Variants in SYNGR4 observed in about 807,000 individuals in gnomAD.
The protein encoded by SYNGR4 is synaptogyrin-4.
In SYNGR4, 15 loss-of-function variants were observed where a neutral mutation model predicts 15.5. That is an observed-to-expected ratio of 0.97 (90% CI 0.65 to 1.49). SYNGR4 has a LOEUF of 1.49. Among genes scored for constraint, SYNGR4 ranks in the 40% most tolerant of loss-of-function variants. SYNGR4 has a pLI of 0.00. For missense variants in SYNGR4, 292 were observed against 299.3 expected, an observed-to-expected ratio of 0.98 and a Z score of 0.18; for synonymous variants, 121 against 127.4, an observed-to-expected ratio of 0.95 and a Z score of 0.34.
At chr19:48,375,196 TTG>T (rs1885595557) in intron 3 of SYNGR4, among the ~76,000 whole-genome samples, 1 of 151,820 alleles carries the variant, frequency 6.6e-6, no homozygotes, top group South Asian at 2.1e-4. Context: ...GGGCTAATTT[TTG>T]TTTTTTCAGT....
chr19:48,371,872 T>C (rs567579581), intron 2 of SYNGR4, among the ~76,000 whole-genome samples: 1 of 151,176 alleles, frequency 6.6e-6, no homozygotes, highest in South Asian at 2.1e-4. Context: ...TGAGCCACTG[T>C]GCTTGGCCTT....
At chr19:48,365,354 A>AC (rs1211630282) in intron 1 of SYNGR4, among the ~76,000 whole-genome samples, 10 of 72,436 alleles carry the variant, frequency 1.4e-4, no homozygotes, top group East Asian at 4.3e-4. Flanking sequence ...CTTTCCTGGG[A>AC]CCCCCCAGAA....
intron 2 of SYNGR4, among the ~76,000 whole-genome samples, chr19:48,371,582 T>A (rs1415529930): frequency 6.7e-6 from 1 of 149,854 alleles, no homozygotes; most frequent in African/African-American, 2.5e-5. Context: ...CAGCTGATTT[T>A]TTTTTTTTTT....
intron 3 of SYNGR4, among the ~76,000 whole-genome samples, chr19:48,374,076 CTTTTTTTTT>C (rs946583656): frequency 7.5e-6 from 1 of 132,742 alleles, no homozygotes; most frequent in East Asian, 2.1e-4. Context: ...GAAAATCTCT[CTTTTTTTTT>C]TTTTTTTTTT....
intron 2 of SYNGR4, among the ~76,000 whole-genome samples, chr19:48,366,218 T>C (rs1049830704): frequency 1.3e-5 from 2 of 151,876 alleles, no homozygotes; most frequent in African/African-American, 4.8e-5. Context: ...TAAGTAAATT[T>C]TTTTTCTTTG....
chr19:48,365,764 C>T lies in SYNGR4; in HGVS notation c.-79C>T, dbSNP rs571649638. 2 of 1,510,602 alleles carry T rather than the reference C, an allele frequency of 1.3e-6. No homozygotes were observed. The highest frequency in any genetic ancestry group is 2.3e-5 in the East Asian group (1 of 44,152). 93.6% of individuals were successfully genotyped at this position (1,510,602 alleles called of 1,614,324 possible). ...CCAAGCCCAGGGCTGGCCTGAAGCC[C>T]CCGGACGGCAGTGCCCAGCAGGCAG... On this transcript the variant is annotated 5_prime_UTR_variant, in exon 2 of 5. Transcript: ENST00000344846.
In SYNGR4 at chr19:48,375,712, A is replaced by G; in HGVS notation, c.431A>G (p.Gln144Arg). Reference sequence around the variant, plus strand: ...TTCCTCCTGGGGAGCAGCAGTGCCCAGGCAGCCATCGCCTTCACCTTCTTC... The same window carrying G: ...TTCCTCCTGGGGAGCAGCAGTGCCCGGGCAGCCATCGCCTTCACCTTCTTC... ...KEFLLGSSSAQAAIAFTFFSI... is the reference protein window; with the variant it reads ...KEFLLGSSSARAAIAFTFFSI... Residue 144 changes from glutamine (Q) to arginine (R), a missense_variant, in exon 4 of 5, where the codon CAG becomes CGG. Physicochemically the swap from Gln to Arg is conservative, Grantham distance 43. Coordinates refer to ENST00000344846, the MANE Select transcript of SYNGR4 (RefSeq NM_012451.4). 1 of 1,614,020 alleles carries G rather than the reference A, an allele frequency of 6.2e-7. No homozygotes were observed. Among genetic ancestry groups the G allele is most frequent in the Non-Finnish European group, 8.5e-7 (1 of 1,179,920 alleles).
intron 1 of SYNGR4, among the ~76,000 whole-genome samples, chr19:48,365,367 C>A (rs1355651766): frequency 2.3e-5 from 2 of 85,980 alleles, no homozygotes; most frequent in Non-Finnish European, 5.2e-5. Context: ...CCCCAGAACC[C>A]CCATCCTATG....
At chr19:48,364,879 C>T (rs74515488) in intron 1 of SYNGR4, among the ~76,000 whole-genome samples, 1,992 of 152,094 alleles carry the variant, frequency 0.013, 44 homozygotes, top group African/African-American at 0.046. Context: ...CCTTCAGCTC[C>T]TGGGTCACAA....
chr19:48,376,263 C>T lies in SYNGR4; in HGVS notation c.650C>T (p.Ser217Phe), dbSNP rs140507894. ...NSLSYASSALSPCLTAPKSPR... is the reference protein window; with the variant it reads ...NSLSYASSALFPCLTAPKSPR... ...CTGAGTTATGCTAGCTCTGCCCTGTCCCCCTGTCTGACCGCTCCAAAGTCC... is the reference window on the plus strand; with the variant it reads ...CTGAGTTATGCTAGCTCTGCCCTGTTCCCCTGTCTGACCGCTCCAAAGTCC... The change falls in exon 5 of 5, where the codon TCC becomes TTC. Residue 217 changes from serine to phenylalanine, a missense_variant. By Grantham distance (155) the Ser-to-Phe change is radical (BLOSUM62 -2). Coordinates refer to ENST00000344846, the MANE Select transcript of SYNGR4 (RefSeq NM_012451.4). 2 of 1,613,842 alleles carry T rather than the reference C, an allele frequency of 1.2e-6. No homozygotes were observed. Among genetic ancestry groups the T allele is most frequent in the Non-Finnish European group, 1.7e-6 (2 of 1,179,944 alleles).
At chr19:48,375,318 G>A (rs1053563129) in intron 3 of SYNGR4, among the ~76,000 whole-genome samples, 3 of 151,908 alleles carry the variant, frequency 2.0e-5, no homozygotes, top group East Asian at 1.9e-4. Context: ...TAGCCACCTC[G>A]CCTAGCCTAA....
intron 1 of SYNGR4, among the ~76,000 whole-genome samples, chr19:48,364,802 G>A (rs574835640): frequency 3.3e-5 from 5 of 151,822 alleles, no homozygotes; most frequent in South Asian, 2.1e-4. Context: ...CTCAATGGCC[G>A]CACCCCCTAG....
At chr19:48,365,262 A>C (rs1970180148) in intron 1 of SYNGR4, among the ~76,000 whole-genome samples, 2 of 43,906 alleles carry the variant, frequency 4.6e-5, no homozygotes, top group South Asian at 1.2e-3. Flanking sequence ...CACCACACAC[A>C]ACCCCATTCC....
intron 2 of SYNGR4, among the ~76,000 whole-genome samples, chr19:48,368,863 CATT>C (rs1177591790): frequency 6.6e-6 from 1 of 152,208 alleles, no homozygotes; most frequent in Non-Finnish European, 1.5e-5. Flanking sequence ...GTGACACAGG[CATT>C]ATGATCCCTG....
intron 3 of SYNGR4, among the ~76,000 whole-genome samples, chr19:48,374,891 G>A (rs1200206132): frequency 2.0e-5 from 3 of 151,786 alleles, no homozygotes; most frequent in African/African-American, 4.8e-5. Flanking sequence ...CAGGAGAATC[G>A]CTTGAACCCG....
chr19:48,372,043 C>T (rs191479045), intron 2 of SYNGR4, among the ~76,000 whole-genome samples: 22 of 151,354 alleles, frequency 1.5e-4, no homozygotes, highest in Admixed American at 1.1e-3. Context: ...CCACACCCAG[C>T]TATTTTTGTT....
At chr19:48,371,051 C>T (rs1049826803) in intron 2 of SYNGR4, among the ~76,000 whole-genome samples, 4 of 152,290 alleles carry the variant, frequency 2.6e-5, no homozygotes, top group East Asian at 1.9e-4. Context: ...TCCCCAAGTC[C>T]GGCTCCTGGC....
chr19:48,369,600 G>A (rs989137870), intron 2 of SYNGR4, among the ~76,000 whole-genome samples: 2 of 152,210 alleles, frequency 1.3e-5, no homozygotes, highest in African/African-American at 4.8e-5. Flanking sequence ...GGCTCCAAGA[G>A]ATGAGTGATT....
chr19:48,374,791 C>T (rs1970374662), intron 3 of SYNGR4, among the ~76,000 whole-genome samples: 1 of 152,092 alleles, frequency 6.6e-6, no homozygotes, highest in African/African-American at 2.4e-5. Flanking sequence ...GCCTGGCCAA[C>T]ATGGCGAAAC....
Sources: gnomAD v4.1 joint callset for allele counts (sites outside exome capture counted in the v4.1 genomes callset) on GRCh38, gnomAD v4.1.1 for gene constraint, MANE v1.5 for transcripts, NCBI Gene and HGNC (gene_info 2026-07-23, HGNC 2026-07-21) for gene names.